Variants in SLC22A2 observed in about 807,000 individuals in gnomAD.
SLC22A2 encodes the protein organic cation transporter 2.
Under a neutral mutation model 60.5 loss-of-function variants are expected in SLC22A2, and 46 were observed. The ratio of observed to expected loss-of-function variants is 0.76; its 90% CI spans 0.60 to 0.97. The LOEUF is 0.97. Ranked by LOEUF, SLC22A2 falls within the 50% of genes least tolerant of loss-of-function variation. The pLI, the probability that SLC22A2 is intolerant of heterozygous loss-of-function variation, is 0.00. For synonymous variants in SLC22A2, 303 were observed against 267.0 expected (o/e 1.13, Z -1.31); for missense variants, 701 against 706.6 (o/e 0.99, Z 0.09).
In SLC22A2 at chr6:160,217,302, G is replaced by T; in HGVS notation, c.*130C>A. 3.4e-6 allele frequency: 2 copies of T among 594,146 alleles called. No homozygotes were observed. Among genetic ancestry groups the T allele is most frequent in the South Asian group, 2.5e-5 (1 of 40,722 alleles). The allele number at this position is 594,146 out of a possible 1,614,324, so 36.8% of individuals were successfully genotyped here. ...TGTACAATAGACTCCACTGGCTGTA[G>T]ACCTAGGTTGATAGGGCTCAGGGGT... is the stretch of plus-strand genomic sequence containing the variant. On this transcript the variant is annotated 3_prime_UTR_variant, in exon 11 of 11. Transcript: ENST00000366953.
intron 9 of SLC22A2, 118 bp from the exon 10 acceptor site, chr6:160,224,922 G>T: frequency 2.0e-6 from 1 of 498,924 alleles, no homozygotes; most frequent in East Asian, 3.2e-5. Context: ...CTTATTTACA[G>T]ATTCCTTTGC....
chr6:160,226,011 C>T (rs1418175464), intron 9 of SLC22A2, among the ~76,000 whole-genome samples: 2 of 152,150 alleles, frequency 1.3e-5, no homozygotes, highest in Non-Finnish European at 2.9e-5. Flanking sequence ...TAACATTAGC[C>T]ACAACATAAG....
At chr6:160,254,441 C>G (rs1487278697) in intron 2 of SLC22A2, among the ~76,000 whole-genome samples, 1 of 152,062 alleles carries the variant, frequency 6.6e-6, no homozygotes, top group Non-Finnish European at 1.5e-5. Context: ...GTCTTATTTA[C>G]AATCTTTTCA....
chr6:160,224,099 G>A (rs997632195), intron 10 of SLC22A2, among the ~76,000 whole-genome samples: 5 of 152,052 alleles, frequency 3.3e-5, no homozygotes, highest in Admixed American at 3.3e-4. Context: ...CCAGCAACAC[G>A]GGAGACTACA....
Position 160,231,827 on chromosome 6 carries a change from G to A in SLC22A2, c.1502-7023C>T, listed in dbSNP as rs186168496. Among the ~76,000 whole-genome samples the A allele has an allele frequency of 9.2e-4, 140 of 151,900 alleles. 4 individuals are homozygous for A. Among genetic ancestry groups the A allele is most frequent in the African/African-American group, 2.5e-3 (103 of 41,274 alleles). On this transcript the variant is annotated intron_variant, in intron 9 of 10. Coordinates refer to ENST00000366953, the MANE Select transcript of SLC22A2 (RefSeq NM_003058.4). ...AAACAGCCCTAAAAGCTGCTCCTATGCTGGCTCTCCGTAACTCTTCACTCC... is the reference window on the plus strand; with the variant it reads ...AAACAGCCCTAAAAGCTGCTCCTATACTGGCTCTCCGTAACTCTTCACTCC...
At chr6:160,256,853 G>A (rs1783280961) in intron 1 of SLC22A2, 136 bp from the exon 2 acceptor site, 2 of 604,184 alleles carry the variant, frequency 3.3e-6, no homozygotes, top group African/African-American at 3.8e-5. Context: ...GTGGCAATAA[G>A]CCATTGTTTC....
chr6:160,226,230 C>G (rs544177743), intron 9 of SLC22A2, among the ~76,000 whole-genome samples: 160 of 152,304 alleles, frequency 1.1e-3, no homozygotes, highest in South Asian at 2.3e-3. Flanking sequence ...CCTATGATTT[C>G]ACCCCTGACC....
intron 5 of SLC22A2, among the ~76,000 whole-genome samples, chr6:160,245,861 CTTTT>C (rs531474202): frequency 4.2e-4 from 51 of 122,238 alleles, no homozygotes; most frequent in Admixed American, 4.1e-4. Context: ...CAATGCCCAG[CTTTT>C]TTTTTTTTTT....
At chr6:160,238,617 G>T (rs1782951040) in intron 9 of SLC22A2, among the ~76,000 whole-genome samples, 1 of 152,052 alleles carries the variant, frequency 6.6e-6, no homozygotes, top group African/African-American at 2.4e-5. Flanking sequence ...ACCACAATTA[G>T]CACACCATTA....
chr6:160,241,182 T>C (rs1292670627), intron 9 of SLC22A2, among the ~76,000 whole-genome samples: 1 of 152,104 alleles, frequency 6.6e-6, no homozygotes, highest in African/African-American at 2.4e-5. Flanking sequence ...TTCTCATTCT[T>C]CTCTTCAACA....
chr6:160,253,590 T>C (rs1422494520), intron 2 of SLC22A2, among the ~76,000 whole-genome samples: 1 of 152,158 alleles, frequency 6.6e-6, no homozygotes, highest in Non-Finnish European at 1.5e-5. Context: ...CACATAAAAG[T>C]AGGGTGCTGG....
chr6:160,238,588 G>GT (rs1562434447), intron 9 of SLC22A2, among the ~76,000 whole-genome samples: 1 of 152,070 alleles, frequency 6.6e-6, no homozygotes, highest in African/African-American at 2.4e-5. Context: ...TTTGATTATC[G>GT]TTTTATGGCT....
chr6:160,218,936 GCAGTAGTAATAGCAGCAA>G (rs1372655359), intron 10 of SLC22A2, among the ~76,000 whole-genome samples: 13 of 10,202 alleles, frequency 1.3e-3, no homozygotes, highest in Non-Finnish European at 2.7e-3. Flanking sequence ...AACAGAAGTA[GCAGTAGTAATAGCAGCAA>G]CAGCAGCAGC....
chr6:160,249,128 CAGAA>C (rs1227418516), intron 4 of SLC22A2, 84 bp downstream of exon 4: 35 of 884,102 alleles, frequency 4.0e-5, no homozygotes, highest in Non-Finnish European at 5.6e-5. Flanking sequence ...ATCTCAGAAT[CAGAA>C]AGATAGTGTG....
rs1415035910 is a variant in SLC22A2, at chr6:160,217,179, C to A, written c.*253G>T. 5.7e-6 allele frequency: 2 copies of A among 352,954 alleles called. No homozygotes were observed. Among genetic ancestry groups the A allele is most frequent in the East Asian group, 8.5e-5 (2 of 23,612 alleles). 21.9% of individuals were successfully genotyped at this position (352,954 alleles called of 1,614,324 possible). ...AAAAAATACAAAGATGGAAAAAAAA[C>A]CCTCCAGAAAACCAATGTCCAATGT... On this transcript the variant is annotated 3_prime_UTR_variant, in exon 11 of 11. Transcript: ENST00000366953.
rs762977603 is a variant in SLC22A2 at position 160,243,766 on chromosome 6, T to C, written c.1085A>G (p.Tyr362Cys). 4.3e-6 allele frequency: 7 copies of C among 1,613,510 alleles called. No homozygotes were observed. The East Asian group carries it at 1.3e-4, about 31-fold the overall frequency. The change falls in exon 7 of 11, where the codon TAC (tyrosine) becomes TGC (cysteine). Residue 362 changes from tyrosine to cysteine, a missense_variant. By Grantham distance (194) the Tyr-to-Cys change is radical. Coordinates refer to ENST00000366953, the MANE Select transcript of SLC22A2 (RefSeq NM_003058.4). ...MYNWFTSSVLYQGLIMHMGLA... is the reference protein window; with the variant it reads ...MYNWFTSSVLCQGLIMHMGLA... ...GCCCATGTGCATGATGAGGCCCTGG[T>C]AGAGCACAGAGCTCGTGAACCTGAG...
rs534471735 is a variant in SLC22A2 at position 160,223,513 on chromosome 6, C to T, written c.1601+1192G>A. Among the ~76,000 whole-genome samples, 7 of 152,168 alleles carry T rather than the reference C, an allele frequency of 4.6e-5. No homozygotes were observed. In the East Asian group the frequency reaches 1.4e-3, roughly 29 times the overall value. On this transcript the variant is annotated intron_variant, in intron 10 of 10. Transcript: ENST00000366953. ...TTCCTTGTCAGCGTATGTGAAATGGCCTCATTCTTTTTAATGGCTGTATAA... is the reference window on the plus strand; with the variant it reads ...TTCCTTGTCAGCGTATGTGAAATGGTCTCATTCTTTTTAATGGCTGTATAA...
At chr6:160,224,414 G>A (rs1005464300) in intron 10 of SLC22A2, among the ~76,000 whole-genome samples, 8 of 151,736 alleles carry the variant, frequency 5.3e-5, no homozygotes, top group South Asian at 4.2e-4. Flanking sequence ...GTTGTTTAAC[G>A]CAGAATATTT....
Position 160,247,242 on chromosome 6 carries a change from A to G in SLC22A2, c.899T>C (p.Met300Thr). 6.2e-7 allele frequency: 1 copy of G among 1,613,864 alleles called. No homozygotes were observed. Residue 300 changes from methionine to threonine, a missense_variant, in exon 5 of 11, where the codon ATG becomes ACG. Met to Thr is a moderately conservative substitution (Grantham distance 81). Coordinates refer to ENST00000366953, the MANE Select transcript of SLC22A2 (RefSeq NM_003058.4). ...LISQNKNAEAMRIIKHIAKKN... is the reference protein window; with the variant it reads ...LISQNKNAEATRIIKHIAKKN... Reference sequence around the variant, plus strand: ...CTTTGCGATGTGCTTAATGATTCTCATGGCTTCAGCATTCTTATTCTGGGA... The same window carrying G: ...CTTTGCGATGTGCTTAATGATTCTCGTGGCTTCAGCATTCTTATTCTGGGA...
Sources: gnomAD v4.1 joint callset for allele counts (sites outside exome capture counted in the v4.1 genomes callset) on GRCh38, gnomAD v4.1.1 for gene constraint, MANE v1.5 for transcripts, NCBI Gene and HGNC (gene_info 2026-07-23, HGNC 2026-07-21) for gene names.